Variants in ITGA2B observed in about 807,000 individuals in gnomAD.
The protein encoded by ITGA2B is integrin alpha-IIb.
Under a neutral mutation model 142.0 loss-of-function variants are expected in ITGA2B, and 91 were observed. The observed-to-expected ratio is 0.64, with a 90% confidence interval of 0.54 to 0.76. The LOEUF (loss-of-function observed/expected upper bound fraction) is 0.76, where lower values mean the gene tolerates loss of function less well. Among genes scored for constraint, ITGA2B ranks in the 30% least tolerant of loss-of-function variants. The probability of loss-of-function intolerance (pLI) is 0.00; values close to 1 mark genes in which losing one functional copy is unlikely to be tolerated. For synonymous variants in ITGA2B, 536 were observed against 567.2 expected (o/e 0.94, Z 0.78); for missense variants, 1,231 against 1,350.8 (o/e 0.91, Z 1.39).
At position 44,374,453 on chromosome 17, in the gene ITGA2B, G is replaced by GAGC; in HGVS notation, c.2958_2960dup (p.Leu987dup). On this transcript the variant is annotated inframe_insertion, in exon 29 of 30. Coordinates refer to ENST00000262407, the MANE Select transcript of ITGA2B (RefSeq NM_000419.5). The stretch of plus-strand genomic sequence containing the variant: ...GAATGGCCCTCTCCTCCAAGGCCCG[G>GAGC]AGCAGCTGTGTCCACACCTGGGGGC... The GAGC allele has an allele frequency of 6.2e-7, 1 of 1,614,090 alleles. No individual in the cohort carries two copies. The highest frequency in any genetic ancestry group is 8.5e-7 in the Non-Finnish European group (1 of 1,180,016).
chr17:44,377,830 CAT>C (rs749532076), intron 20 of ITGA2B, 40 bp from the exon 21 acceptor site: 95 of 1,154,984 alleles, frequency 8.2e-5, no homozygotes, highest in East Asian at 1.4e-4. Context: ...TACAGAGCAT[CAT>C]ATATATATAT....
At position 44,384,593 on chromosome 17, in the gene ITGA2B, C is replaced by G; in HGVS notation, c.800-8G>C. On this transcript the variant is annotated splice_region_variant and splice_polypyrimidine_tract_variant and intron_variant, in intron 7 of 29. Coordinates refer to ENST00000262407, the MANE Select transcript of ITGA2B (RefSeq NM_000419.5). ...CCACGGCCACCGAGTACCCTGAGGA[C>G]AAGGGCGCAAATTAGTCTTTTCCAG... The G allele has an allele frequency of 6.2e-7, 1 of 1,613,978 alleles. No homozygotes were observed. The highest frequency in any genetic ancestry group is 8.5e-7 in the Non-Finnish European group (1 of 1,180,026).
intron 1 of ITGA2B, among the ~76,000 whole-genome samples, chr17:44,387,288 C>G (rs748983884): frequency 1.1e-4 from 16 of 151,396 alleles, no homozygotes; most frequent in Non-Finnish European, 1.9e-4. Context: ...TTTGGGAGGC[C>G]GAGGCAGGCT....
rs370751875 is a variant in ITGA2B at position 44,374,525 on chromosome 17, G to T, written c.2944-55C>A. On this transcript the variant is annotated intron_variant, in intron 28 of 29. Transcript: ENST00000262407. ...CACCTTGACACCTGCCTTTCACAAA[G>T]ACTCAAACCTCAGGCTGGTGACCTC... 129 of 1,569,714 alleles carry T rather than the reference G, an allele frequency of 8.2e-5. 1 individual carries two copies. The African/African-American group carries it at 8.2e-4, about 10-fold the overall frequency.
chr17:44,383,589 C>T lies in ITGA2B; in HGVS notation c.1114G>A (p.Gly372Ser). The change falls in exon 12 of 30, where the codon GGT (glycine) becomes AGT (serine). Residue 372 changes from glycine (G) to serine (S), a missense_variant. Gly to Ser is a moderately conservative substitution (Grantham distance 56). Around this residue, in one of 3 missense-constraint regions of ITGA2B, gnomAD observed 908 missense variants for 1,021.1 expected, o/e 0.89. Coordinates refer to ENST00000262407, the MANE Select transcript of ITGA2B (RefSeq NM_000419.5). ...FLQPRGPHALGAPSLLLTGTQ... is the reference protein window; with the variant it reads ...FLQPRGPHALSAPSLLLTGTQ... Reference sequence around the variant, plus strand: ...CCAGTCAGCAGGAGGCTGGGGGCACCCAGCGCGTGGGGGCCTCGCGGCTGC... The same window carrying T: ...CCAGTCAGCAGGAGGCTGGGGGCACTCAGCGCGTGGGGGCCTCGCGGCTGC... The T allele has an allele frequency of 1.2e-6, 2 of 1,611,286 alleles. No individual in the cohort carries two copies. Among genetic ancestry groups the T allele is most frequent in the Non-Finnish European group, 1.7e-6 (2 of 1,179,540 alleles).
At chr17:44,377,344 C>T (rs972338119) in intron 21 of ITGA2B, among the ~76,000 whole-genome samples, 24 of 151,998 alleles carry the variant, frequency 1.6e-4, no homozygotes, top group Admixed American at 2.6e-4. Context: ...TATAGGCGTG[C>T]GCCACCATGC....
intron 1 of ITGA2B, among the ~76,000 whole-genome samples, chr17:44,387,654 C>T (rs2048661269): frequency 6.7e-6 from 1 of 149,834 alleles, no homozygotes; most frequent in African/African-American, 2.5e-5. Flanking sequence ...GGAGAAACCT[C>T]GTCTCTACTA....
Position 44,385,025 on chromosome 17 carries a change from C to G in ITGA2B, c.722G>C (p.Gly241Ala), listed in dbSNP as rs772495101. 6.2e-7 allele frequency: 1 copy of G among 1,614,056 alleles called. No individual in the cohort carries two copies. The part of the protein sequence containing the change: ...VADIFSSYRP[G>A]ILLWHVSSQS... ...GGAGGACACGTGCCACAAAAGGATG[C>G]CTGGGCGGTAACTCGAGAAAATATC... The change falls in exon 7 of 30, where the codon GGC becomes GCC. Residue 241 changes from glycine (G) to alanine (A), a missense_variant. Physicochemically the swap from Gly to Ala is moderately conservative, Grantham distance 60. Around this residue, in one of 3 missense-constraint regions of ITGA2B, gnomAD observed 318 missense variants for 312.2 expected, o/e 1.02. Transcript: ENST00000262407.
intron 21 of ITGA2B, 38 bp from the exon 22 acceptor site, chr17:44,377,126 C>G: frequency 6.7e-7 from 1 of 1,482,918 alleles, no homozygotes; most frequent in Non-Finnish European, 9.2e-7. Flanking sequence ...TGCCCAAGTG[C>G]CCCACTTAGG....
At chr17:44,381,112 G>C in intron 12 of ITGA2B, 51 bp from the exon 13 acceptor site, 1 of 1,571,830 alleles carries the variant, frequency 6.4e-7, no homozygotes, top group Non-Finnish European at 8.7e-7. Flanking sequence ...AGCCTCCCTA[G>C]ATGACTGTAA....
intron 27 of ITGA2B, 32 bp from the exon 28 acceptor site, chr17:44,374,792 C>A: frequency 6.4e-7 from 1 of 1,573,490 alleles, no homozygotes; most frequent in East Asian, 2.2e-5. Flanking sequence ...GCCGTTTACA[C>A]CCACAAGAGG....
intron 26 of ITGA2B, 118 bp downstream of exon 26, chr17:44,375,473 A>C: frequency 7.8e-7 from 1 of 1,277,516 alleles, no homozygotes; most frequent in Non-Finnish European, 1.1e-6. Flanking sequence ...AAGTGCTCCC[A>C]GGGACCAAGC....
rs1182502058 is a variant in ITGA2B at position 44,378,640 on chromosome 17, C to A, written c.1946+3G>T. On this transcript the variant is annotated splice_donor_region_variant and intron_variant, in intron 19 of 29. Transcript: ENST00000262407. ...GGTCGGGCAGAATGGGAGGCCTCCT[C>A]ACACGCTGGCAGTGAGCTGAAGCTG... 1.9e-5 allele frequency: 30 copies of A among 1,566,678 alleles called. No individual in the cohort carries two copies. Among genetic ancestry groups the A allele is most frequent in the Non-Finnish European group, 2.5e-5 (29 of 1,155,402 alleles).
Position 44,378,633 on chromosome 17 carries a change from GCCT to G in ITGA2B, c.1946+7_1946+9del. 2 of 1,569,904 alleles carry G rather than the reference GCCT, an allele frequency of 1.3e-6. No homozygotes were observed. Among genetic ancestry groups the G allele is most frequent in the Non-Finnish European group, 1.7e-6 (2 of 1,157,164 alleles). On this transcript the variant is annotated splice_region_variant and intron_variant, in intron 19 of 29. Transcript: ENST00000262407. ...GGGCCAGGGTCGGGCAGAATGGGAG[GCCT>G]CCTCACACGCTGGCAGTGAGCTGAA...
chr17:44,374,354 C>G lies in ITGA2B; in HGVS notation c.3060G>C (p.Lys1020Asn), dbSNP rs757268030. 6.2e-7 allele frequency: 1 copy of G among 1,613,854 alleles called. No individual in the cohort carries two copies. The highest frequency in any genetic ancestry group is 8.5e-7 in the Non-Finnish European group (1 of 1,179,774). ...LLTILVLAMW[K>N]VGFFKRNRPP... is the part of the protein sequence containing the mutation. ...GACTCCACCGTCCTTCACACCTCAC[C>G]TTCCACATGGCCAGGACCAGGATGG... The change falls in exon 29 of 30, where the codon AAG becomes AAC. Residue 1020 changes from lysine to asparagine, a missense_variant and splice_region_variant. Around this residue, in one of 3 missense-constraint regions of ITGA2B, gnomAD observed 908 missense variants for 1,021.1 expected, o/e 0.89. Coordinates refer to ENST00000262407, the MANE Select transcript of ITGA2B (RefSeq NM_000419.5).
intron 20 of ITGA2B, 100 bp from the exon 21 acceptor site, chr17:44,377,890 AG>A (rs555858766): frequency 3.2e-4 from 70 of 220,450 alleles, no homozygotes; most frequent in Middle Eastern, 4.4e-4. Flanking sequence ...CAAGGTAGGG[AG>A]GGGGGGGTTT....
chr17:44,381,023 G>A lies in ITGA2B; in HGVS notation c.1249C>T (p.Arg417Trp), dbSNP rs140253829. The change falls in exon 13 of 30, where the codon CGG (arginine) becomes TGG (tryptophan). Residue 417 changes from arginine to tryptophan, a missense_variant. Physicochemically the swap from Arg to Trp is moderately radical, Grantham distance 101 (BLOSUM62 -3). This residue lies in a region of ITGA2B where 908 missense variants were observed against 1,021.1 expected (regional missense o/e 0.89). Transcript: ENST00000262407. ...VAAPYGGPSG[R>W]GQVLVFLGQS... is the part of the protein sequence containing the mutation. ...CCCAGGAACACCAGCACTTGGCCCC[G>A]GCCACTGGGACCCCCGTAGGGGGCA... 37 of 1,613,274 alleles carry A rather than the reference G, an allele frequency of 2.3e-5. No individual in the cohort carries two copies. Among genetic ancestry groups the A allele is most frequent in the African/African-American group, 4.0e-5 (3 of 74,922 alleles).
At position 44,375,867 on chromosome 17, in the gene ITGA2B, T is replaced by C; in HGVS notation, c.2567A>G (p.Gln856Arg). 1 of 1,599,066 alleles carries C rather than the reference T, an allele frequency of 6.3e-7. No individual in the cohort carries two copies. The highest frequency in any genetic ancestry group is 8.5e-7 in the Non-Finnish European group (1 of 1,173,154). ...ILDIQPQGGL[Q>R]CFPQPPVNPL... Reference sequence around the variant, plus strand: ...GTTGACAGGAGGCTGTGGGAAGCACTGAAGGCCCCCCTGGGGCTGTATATC... The same window carrying C: ...GTTGACAGGAGGCTGTGGGAAGCACCGAAGGCCCCCCTGGGGCTGTATATC... The change falls in exon 25 of 30, where the codon CAG (glutamine) becomes CGG (arginine). Residue 856 changes from glutamine to arginine, a missense_variant. By Grantham distance (43) the Gln-to-Arg change is conservative. This residue lies in a region of ITGA2B where 908 missense variants were observed against 1,021.1 expected (regional missense o/e 0.89). Coordinates refer to ENST00000262407, the MANE Select transcript of ITGA2B (RefSeq NM_000419.5).
intron 17 of ITGA2B, 48 bp downstream of exon 17, chr17:44,379,953 TG>T (rs757907942): frequency 1.2e-6 from 2 of 1,612,818 alleles, no homozygotes. Flanking sequence ...ACAAGTCCAG[TG>T]GGTAAGTTCT....
Sources: gnomAD v4.1 joint callset for allele counts (sites outside exome capture counted in the v4.1 genomes callset) on GRCh38, gnomAD v4.1.1 for gene constraint, gnomAD v4.1.1 regional missense constraint, MANE v1.5 for transcripts, NCBI Gene and HGNC (gene_info 2026-07-23, HGNC 2026-07-21) for gene names.